NPHP4: variants seen among roughly 807,000 people sequenced by gnomAD.
The protein encoded by NPHP4 is nephrocystin-4.
Under a neutral mutation model 155.8 loss-of-function variants are expected in NPHP4, and 151 were observed. The observed-to-expected ratio is 0.97, with a 90% CI of 0.85 to 1.11. The LOEUF is 1.11. NPHP4 is among the 50% of genes least tolerant of loss of function. NPHP4 has a pLI of 0.00. For missense variants in NPHP4, 1,956 were observed against 1,925.7 expected, an observed-to-expected ratio of 1.02 and a Z score of -0.29; for synonymous variants, 845 against 816.8, an observed-to-expected ratio of 1.03 and a Z score of -0.59.
intron 6 of NPHP4, among the ~76,000 whole-genome samples, chr1:5,960,517 G>A (rs1216098282): frequency 6.6e-6 from 1 of 152,040 alleles, no homozygotes. Context: ...GCACAGCACT[G>A]CTCTCGGTCC....
Position 5,863,349 on chromosome 1 carries a change from C to T in NPHP4, c.4197G>A (p.Val1399=). 1 of 1,613,988 alleles carries T rather than the reference C, an allele frequency of 6.2e-7. No individual in the cohort carries two copies. The highest frequency in any genetic ancestry group is 8.5e-7 in the Non-Finnish European group (1 of 1,179,846). ...IGLQFAPSQR[V]GEEEILIYIN... ...TGTAGATCAGGATCTCCTCCTCACCCACTCTCTGACTAGGCGCAAACTGCA... is the reference window on the plus strand; with the variant it reads ...TGTAGATCAGGATCTCCTCCTCACCTACTCTCTGACTAGGCGCAAACTGCA... The change falls in exon 30 of 30, where the codon GTG becomes GTA. Residue 1399 remains valine, a synonymous_variant. Transcript: ENST00000378156.
chr1:5,979,761 G>A (rs985023915), intron 2 of NPHP4, among the ~76,000 whole-genome samples: 6 of 151,970 alleles, frequency 3.9e-5, no homozygotes, highest in South Asian at 2.1e-4. Context: ...TGACCCGCCC[G>A]TCTCGGCCTC....
Position 5,863,391 on chromosome 1 carries a change from C to T in NPHP4, c.4155G>A (p.Glu1385=). ...REDSFQVGGG[E]TYTIGLQFAP... The stretch of plus-strand genomic sequence containing the variant: ...CAAACTGCAAGCCGATGGTGTAGGT[C>T]TCTCCACCCCCGACCTGGAAATAAG... Residue 1385 remains glutamate (E), a synonymous_variant, in exon 30 of 30, where the codon GAG becomes GAA. Coordinates refer to ENST00000378156, the MANE Select transcript of NPHP4 (RefSeq NM_015102.5). 1 of 1,613,528 alleles carries T rather than the reference C, an allele frequency of 6.2e-7. No homozygotes were observed.
chr1:5,961,226 A>C (rs1650258834), intron 6 of NPHP4, among the ~76,000 whole-genome samples: 1 of 152,162 alleles, frequency 6.6e-6, no homozygotes, highest in African/African-American at 2.4e-5. Context: ...AGAAAGCGGA[A>C]GGGTGGCTGC....
rs1180033248 is a variant in NPHP4 at position 5,948,079 on chromosome 1, G to C, written c.983C>G (p.Ser328Cys). ...ASFSRKVVSS[S>C]KTSSGSQALV... The stretch of plus-strand genomic sequence containing the variant: ...ACCCAAGAGACAATACCTGGTCTTG[G>C]AAGAGGAGACCACTTTCCTGCTGAA... The change falls in exon 8 of 30, where the codon TCC becomes TGC. Residue 328 changes from serine to cysteine, a missense_variant. Coordinates refer to ENST00000378156, the MANE Select transcript of NPHP4 (RefSeq NM_015102.5). 1.2e-6 allele frequency: 2 copies of C among 1,613,168 alleles called. No individual in the cohort carries two copies. Among genetic ancestry groups the C allele is most frequent in the Admixed American group, 1.7e-5 (1 of 60,006 alleles).
chr1:5,907,684 C>T (rs1234398796), intron 12 of NPHP4, among the ~76,000 whole-genome samples: 2 of 131,776 alleles, frequency 1.5e-5, no homozygotes, highest in Non-Finnish European at 3.2e-5. Flanking sequence ...GGATAGAGTG[C>T]CCGTGCCAAC....
intron 5 of NPHP4, among the ~76,000 whole-genome samples, chr1:5,964,728 A>G (rs1180451033): frequency 6.6e-6 from 1 of 151,456 alleles, no homozygotes; most frequent in Non-Finnish European, 1.5e-5. Flanking sequence ...TTTGCAGCCG[A>G]CACAAAGTGG....
chr1:5,896,868 G>T (rs1359520837), intron 16 of NPHP4, among the ~76,000 whole-genome samples: 1 of 152,146 alleles, frequency 6.6e-6, no homozygotes, highest in African/African-American at 2.4e-5. Flanking sequence ...AGTCCAATCA[G>T]AGCCGGTGAA....
At chr1:5,941,013 A>G (rs1187997193) in intron 9 of NPHP4, among the ~76,000 whole-genome samples, 1 of 152,236 alleles carries the variant, frequency 6.6e-6, no homozygotes, top group Non-Finnish European at 1.5e-5. Flanking sequence ...AAGAAGAACC[A>G]TAAAGCTGAA....
At chr1:5,891,519 C>T (rs7550218) in intron 16 of NPHP4, among the ~76,000 whole-genome samples, 30,172 of 152,208 alleles carry the variant, frequency 0.2, 3,123 homozygotes, top group Non-Finnish European at 0.23. Context: ...GTGGGTATCC[C>T]GGGCTCCTCC....
chr1:5,978,479 GC>G, intron 2 of NPHP4, 66 bp from the exon 3 acceptor site: 1 of 1,505,234 alleles, frequency 6.6e-7, no homozygotes, highest in Non-Finnish European at 9.1e-7. Flanking sequence ...TCACTGGCAG[GC>G]CATGTGGGTG....
intron 1 of NPHP4, among the ~76,000 whole-genome samples, chr1:5,989,585 A>G (rs1212919611): frequency 2.0e-5 from 3 of 152,238 alleles, no homozygotes; most frequent in Admixed American, 1.3e-4. Flanking sequence ...GGAACCAAAC[A>G]GAAGCTTTAG....
chr1:5,901,556 A>C (rs1461613753), intron 16 of NPHP4, among the ~76,000 whole-genome samples: 1 of 152,264 alleles, frequency 6.6e-6, no homozygotes, highest in African/African-American at 2.4e-5. Flanking sequence ...TCAACTTGCA[A>C]GGAAATTTAA....
intron 23 of NPHP4, among the ~76,000 whole-genome samples, chr1:5,868,909 C>T (rs1047678910): frequency 2.7e-5 from 4 of 149,384 alleles, no homozygotes; most frequent in Non-Finnish European, 4.4e-5. Context: ...CACATGCATG[C>T]ACCCACACAT....
Position 5,892,782 on chromosome 1 carries a change from T to C in NPHP4, c.2144-1754A>G, listed in dbSNP as rs1210943646. Among the ~76,000 whole-genome samples, 1 of 152,046 alleles carries C rather than the reference T, an allele frequency of 6.6e-6. No individual in the cohort carries two copies. The highest frequency in any genetic ancestry group is 1.5e-5 in the Non-Finnish European group (1 of 67,994). On this transcript the variant is annotated intron_variant, in intron 16 of 29. Transcript: ENST00000378156. The surrounding 1 kb of genome is among the most constrained non-coding windows in gnomAD (Gnocchi z 4.5). ...TCCCCACAGTCCACCCTGTGTCATT[T>C]CCATCCCACTCAGAAGTCCAGGAAG...
chr1:5,937,612 T>C (rs1456434307), intron 9 of NPHP4, among the ~76,000 whole-genome samples: 1 of 152,028 alleles, frequency 6.6e-6, no homozygotes, highest in African/African-American at 2.4e-5. Flanking sequence ...GGCCGTTCTC[T>C]GGGTAATGAC....
chr1:5,914,847 G>A (rs1016672949), intron 11 of NPHP4, among the ~76,000 whole-genome samples: 11 of 152,258 alleles, frequency 7.2e-5, no homozygotes, highest in Admixed American at 3.3e-4. Flanking sequence ...AAATGTGAAC[G>A]GGGTCGTGAA....
chr1:5,867,791 G>A lies in NPHP4; in HGVS notation c.3421C>T (p.Leu1141Phe). Residue 1141 changes from leucine to phenylalanine, a missense_variant, in exon 24 of 30, where the codon CTC (leucine) becomes TTC (phenylalanine). Coordinates refer to ENST00000378156, the MANE Select transcript of NPHP4 (RefSeq NM_015102.5). This position sits in a 1 kb window ranked among gnomAD's most constrained non-coding sequence, Gnocchi z 4.1. ...CGGATGGCCTTCTTCAGGAAGGAGA[G>A]CTCCGGGTGATAGAAGCGGAAGACC... The part of the protein sequence containing the change: ...DQVFRFYHPE[L>F]SFLKKAIRLP... 2 of 1,612,688 alleles carry A rather than the reference G, an allele frequency of 1.2e-6. No individual in the cohort carries two copies. Among genetic ancestry groups the A allele is most frequent in the South Asian group, 1.1e-5 (1 of 91,086 alleles).
chr1:5,913,412 A>AATC (rs1255982019), intron 11 of NPHP4, among the ~76,000 whole-genome samples: 1 of 152,214 alleles, frequency 6.6e-6, no homozygotes, highest in Non-Finnish European at 1.5e-5. Flanking sequence ...CACCTCTCTG[A>AATC]AGATTCCTTT....
Sources: allele counts gnomAD v4.1 joint callset (sites outside exome capture counted in the v4.1 genomes callset), GRCh38; gene constraint gnomAD v4.1.1; non-coding constraint Gnocchi (gnomAD v3.1); transcripts MANE v1.5; gene names NCBI Gene and HGNC (gene_info 2026-07-23, HGNC 2026-07-21).